Variants in CAMK2B observed in about 807,000 individuals in gnomAD.
CAMK2B encodes calcium/calmodulin-dependent protein kinase type II subunit beta.
In CAMK2B, 27 loss-of-function variants were observed where a neutral mutation model predicts 93.7. That is an observed-to-expected ratio of 0.29 (90% CI 0.21 to 0.40). CAMK2B has a LOEUF of 0.40. Ranked by LOEUF, CAMK2B falls within the 10% of genes least tolerant of loss-of-function variation. The pLI is 1.00. For missense variants in CAMK2B, 568 were observed against 895.8 expected (o/e 0.63, Z 4.67); for synonymous variants, 374 against 358.8 (o/e 1.04, Z -0.48).
Position 44,220,860 on chromosome 7 carries a change from C to G in CAMK2B, c.1639G>C (p.Glu547Gln). 6.4e-7 allele frequency: 1 copy of G among 1,573,062 alleles called. No individual in the cohort carries two copies. The highest frequency in any genetic ancestry group is 1.3e-5 in the African/African-American group (1 of 74,252). The change falls in exon 21 of 24, where the codon GAG (glutamate) becomes CAG (glutamine). Residue 547 changes from glutamate to glutamine, a missense_variant. Transcript: ENST00000395749. ...TCAAAGTCACCGTTGTTGACGGCCTCGATGAGCTGCTCCGTGGTCTTAATG... is the reference window on the plus strand; with the variant it reads ...TCAAAGTCACCGTTGTTGACGGCCTGGATGAGCTGCTCCGTGGTCTTAATG... ...EIIKTTEQLI[E>Q]AVNNGDFEAY...
intron 1 of CAMK2B, among the ~76,000 whole-genome samples, chr7:44,295,777 C>T (rs1026987351): frequency 1.3e-5 from 2 of 152,190 alleles, no homozygotes; most frequent in African/African-American, 4.8e-5. Context: ...ACAGCCCAAC[C>T]TGCTGGGGCT....
chr7:44,314,821 T>C (rs1794455871), intron 1 of CAMK2B, among the ~76,000 whole-genome samples: 1 of 152,254 alleles, frequency 6.6e-6, no homozygotes, highest in African/African-American at 2.4e-5. Flanking sequence ...TGGTTTTGAA[T>C]TGCATTTCCA....
rs372682846 is a variant in CAMK2B, at chr7:44,263,099, C to T, written c.161-35G>A. On this transcript the variant is annotated intron_variant, in intron 2 of 23. Transcript: ENST00000395749. ...AGGAAAAACAAGGCGTCACCTCCTGCGCCAGCAACTGGTGGCCCAGGGATC... is the reference window on the plus strand; with the variant it reads ...AGGAAAAACAAGGCGTCACCTCCTGTGCCAGCAACTGGTGGCCCAGGGATC... 7.7e-5 allele frequency: 124 copies of T among 1,601,346 alleles called. 1 individual carries two copies. The highest frequency in any genetic ancestry group is 1.7e-4 in the Middle Eastern group (1 of 6,012).
Position 44,325,482 on chromosome 7 carries a change from C to G in CAMK2B, c.-61G>C. The G allele has an allele frequency of 1.0e-6, 1 of 976,754 alleles. No individual in the cohort carries two copies. Among genetic ancestry groups the G allele is most frequent in the African/African-American group, 1.8e-5 (1 of 56,368 alleles). The allele number at this position is 976,754 out of a possible 1,614,324, so 60.5% of individuals were successfully genotyped here. On this transcript the variant is annotated 5_prime_UTR_variant, in exon 1 of 24. Transcript: ENST00000395749. Reference sequence around the variant, plus strand: ...CGCTCGGGCGGCGGCGACTCCGGCTCCCGCTCGCGGGCACGGCGGCGACAC... The same window carrying G: ...CGCTCGGGCGGCGGCGACTCCGGCTGCCGCTCGCGGGCACGGCGGCGACAC...
intron 1 of CAMK2B, among the ~76,000 whole-genome samples, chr7:44,323,015 A>G (rs1319597837): frequency 6.6e-6 from 1 of 152,208 alleles, no homozygotes; most frequent in Admixed American, 6.5e-5. Context: ...AAATGGGCTG[A>G]GTGCCCACAA....
At chr7:44,254,180 C>T (rs2096809865) in intron 5 of CAMK2B, among the ~76,000 whole-genome samples, 1 of 152,190 alleles carries the variant, frequency 6.6e-6, no homozygotes, top group Non-Finnish European at 1.5e-5. Context: ...TCTCTGAGAC[C>T]ATCTGTCCCT....
intron 2 of CAMK2B, among the ~76,000 whole-genome samples, chr7:44,263,533 G>A (rs937530588): frequency 5.9e-5 from 9 of 152,102 alleles, no homozygotes; most frequent in Non-Finnish European, 8.8e-5. Flanking sequence ...GAGAGGCCTC[G>A]CCTGGGAGAT....
At chr7:44,287,020 G>C (rs908578559) in intron 1 of CAMK2B, among the ~76,000 whole-genome samples, 2 of 152,142 alleles carry the variant, frequency 1.3e-5, no homozygotes, top group African/African-American at 4.8e-5. Flanking sequence ...TTGGACACAG[G>C]CCTGCAGGTA....
rs1793522067 is a variant in CAMK2B, at chr7:44,311,435, C to G, written c.65+13922G>C. ...ATGTGGCAAATCAAATTCTTAACCT[C>G]TAGTAACAAACAAGAAAAACTCAGA... On this transcript the variant is annotated intron_variant, in intron 1 of 23. Coordinates refer to ENST00000395749, the MANE Select transcript of CAMK2B (RefSeq NM_001220.5). The surrounding 1 kb of genome is among the most constrained non-coding windows in gnomAD (Gnocchi z 4.2). Among the ~76,000 whole-genome samples the G allele has an allele frequency of 6.6e-6, 1 of 152,208 alleles. No homozygotes were observed. The highest frequency in any genetic ancestry group is 2.4e-5 in the African/African-American group (1 of 41,448).
intron 2 of CAMK2B, among the ~76,000 whole-genome samples, chr7:44,265,155 T>C (rs1023179843): frequency 1.3e-5 from 2 of 152,204 alleles, no homozygotes; most frequent in Non-Finnish European, 2.9e-5. Context: ...TGTACAGCAC[T>C]TCTGTACAAT....
chr7:44,273,351 GGGT>G (rs2096993344), intron 2 of CAMK2B, among the ~76,000 whole-genome samples: 1 of 152,162 alleles, frequency 6.6e-6, no homozygotes, highest in Non-Finnish European at 1.5e-5. Context: ...ATCCAGTGCT[GGGT>G]GTCTTGTGTT....
At chr7:44,298,605 G>A (rs76538455) in intron 1 of CAMK2B, among the ~76,000 whole-genome samples, 13,493 of 152,204 alleles carry the variant, frequency 0.089, 807 homozygotes, top group Non-Finnish European at 0.12. Context: ...ACAACCCACA[G>A]AATTGGATAA....
At chr7:44,288,850 C>T (rs1453389051) in intron 1 of CAMK2B, among the ~76,000 whole-genome samples, 1 of 152,130 alleles carries the variant, frequency 6.6e-6, no homozygotes, top group Non-Finnish European at 1.5e-5. Flanking sequence ...GCTCAGGCTT[C>T]TCGCGCGATA....
intron 5 of CAMK2B, among the ~76,000 whole-genome samples, chr7:44,253,257 A>G (rs2096797356): frequency 6.8e-6 from 1 of 147,124 alleles, no homozygotes; most frequent in African/African-American, 2.5e-5. Context: ...TTGCCCACCC[A>G]GGCTGGAGTG....
intron 20 of CAMK2B, among the ~76,000 whole-genome samples, chr7:44,223,223 CTT>C (rs1053043070): frequency 2.6e-5 from 4 of 152,184 alleles, no homozygotes; most frequent in African/African-American, 9.7e-5. Flanking sequence ...CATGTGCACT[CTT>C]GGGTTGTCCC....
intron 13 of CAMK2B, among the ~76,000 whole-genome samples, chr7:44,238,100 A>C (rs1488804305): frequency 6.6e-6 from 1 of 152,224 alleles, no homozygotes; most frequent in East Asian, 1.9e-4. Context: ...CTCCATGCTC[A>C]CTGCCGTGTG....
chr7:44,310,516 T>A (rs1793259158), intron 1 of CAMK2B, among the ~76,000 whole-genome samples: 1 of 152,206 alleles, frequency 6.6e-6, no homozygotes. Context: ...AAAATGTCCT[T>A]TGTACACCCG....
chr7:44,273,729 C>T (rs371492989), intron 2 of CAMK2B, among the ~76,000 whole-genome samples: 2 of 152,234 alleles, frequency 1.3e-5, no homozygotes, highest in Admixed American at 1.3e-4. Context: ...TCCAGGGCTG[C>T]ACTCTTGACC....
chr7:44,247,220 C>T lies in CAMK2B; in HGVS notation c.342-28G>A, dbSNP rs746838692. 12 of 1,604,316 alleles carry T rather than the reference C, an allele frequency of 7.5e-6. No individual in the cohort carries two copies. In the East Asian group the frequency reaches 8.9e-5, roughly 12 times the overall value. ...GTGGCAAACAGCAGGTGGGTTAGTG[C>T]GAGTGGCCCTGGGGAGCAGCAAGAG... On this transcript the variant is annotated intron_variant, in intron 5 of 23. Coordinates refer to ENST00000395749, the MANE Select transcript of CAMK2B (RefSeq NM_001220.5).
Sources: gnomAD v4.1 joint callset for allele counts (sites outside exome capture counted in the v4.1 genomes callset) on GRCh38, gnomAD v4.1.1 for gene constraint, Gnocchi (gnomAD v3.1) non-coding constraint, MANE v1.5 for transcripts, NCBI Gene and HGNC (gene_info 2026-07-23, HGNC 2026-07-21) for gene names.